Variants in FER1L6 observed in about 807,000 individuals in gnomAD.
FER1L6 encodes fer-1-like protein 6.
In FER1L6, 177 loss-of-function variants were observed where a neutral mutation model predicts 219.2. The observed-to-expected ratio is 0.81, with a 90% confidence interval of 0.71 to 0.91. The LOEUF is 0.91. Ranked by LOEUF, FER1L6 falls within the 40% of genes least tolerant of loss-of-function variation. The pLI, the probability that FER1L6 is intolerant of heterozygous loss-of-function variation, is 0.00. For synonymous variants in FER1L6, 768 were observed against 824.3 expected (o/e 0.93, Z 1.17); for missense variants, 2,153 against 2,259.9 (o/e 0.95, Z 0.96).
At chr8:124,078,147 C>G (rs1381692736) in intron 32 of FER1L6, among the ~76,000 whole-genome samples, 1 of 152,110 alleles carries the variant, frequency 6.6e-6, no homozygotes, top group Non-Finnish European at 1.5e-5. Context: ...GGGCCTGGCA[C>G]AGAGCAGGTG....
chr8:124,064,527 A>G lies in FER1L6; in HGVS notation c.3509A>G (p.Glu1170Gly), dbSNP rs1389609016. ...GACTCATCCCCGATGCTGGAGCCTG[A>G]ACACACACCTGTAGCCCAGGAGCCA... is the stretch of plus-strand genomic sequence containing the variant. ...VPDSSPMLEP[E>G]HTPVAQEPPK... The change falls in exon 26 of 41, where the codon GAA (glutamate) becomes GGA (glycine). Residue 1170 changes from glutamate to glycine, a missense_variant. By Grantham distance (98) the Glu-to-Gly change is moderately conservative (BLOSUM62 -2). Transcript: ENST00000522917. The G allele has an allele frequency of 1.2e-6, 2 of 1,613,188 alleles. No homozygotes were observed. The highest frequency in any genetic ancestry group is 2.7e-5 in the African/African-American group (2 of 74,850).
intron 1 of FER1L6, among the ~76,000 whole-genome samples, chr8:123,946,807 A>T (rs1814512253): frequency 6.6e-6 from 1 of 151,784 alleles, no homozygotes; most frequent in Non-Finnish European, 1.5e-5. Flanking sequence ...AACTTTTCCA[A>T]CTCCTACTTG....
At chr8:124,009,456 G>T (rs1236445358) in intron 13 of FER1L6, among the ~76,000 whole-genome samples, 1 of 152,052 alleles carries the variant, frequency 6.6e-6, no homozygotes, top group East Asian at 1.9e-4. Flanking sequence ...AGCCGGTGCT[G>T]CACTGATGTT....
intron 18 of FER1L6, 96 bp from the exon 19 acceptor site, chr8:124,035,181 C>G (rs1477509812): frequency 2.3e-6 from 3 of 1,304,664 alleles, no homozygotes; most frequent in Non-Finnish European, 3.2e-6. Context: ...GAACATACTT[C>G]CAGGTGTGTC....
intron 1 of FER1L6, among the ~76,000 whole-genome samples, chr8:123,874,910 T>C (rs756301030): frequency 2.0e-5 from 3 of 152,174 alleles, no homozygotes; most frequent in Non-Finnish European, 4.4e-5. Flanking sequence ...TAAAAGCAAA[T>C]CTCAGGCCTA....
intron 1 of FER1L6, among the ~76,000 whole-genome samples, chr8:123,936,734 C>G (rs1814022243): frequency 6.6e-6 from 1 of 151,856 alleles, no homozygotes; most frequent in African/African-American, 2.4e-5. Flanking sequence ...ATCATCTATC[C>G]CAGCTTCAAA....
intron 33 of FER1L6, among the ~76,000 whole-genome samples, chr8:124,090,019 T>C (rs1029167468): frequency 1.3e-5 from 2 of 152,222 alleles, no homozygotes; most frequent in African/African-American, 2.4e-5. Context: ...AATATTCTCA[T>C]ACAAAAGCCA....
rs987362623 is a variant in FER1L6 at position 123,887,371 on chromosome 8, C to T, written c.-8+35186C>T. ...GAACCGATTTGGTTCCCTCCTGGCT[C>T]GGTTGCCATGGGCTGAGTGTCTCAG... On this transcript the variant is annotated intron_variant, in intron 1 of 40. Transcript: ENST00000522917. Among the ~76,000 whole-genome samples the T allele has an allele frequency of 7.2e-5, 11 of 152,268 alleles. 1 individual carries two copies. The highest frequency in any genetic ancestry group is 1.9e-4 in the East Asian group (1 of 5,184).
At chr8:123,912,905 G>A (rs1813081572) in intron 1 of FER1L6, among the ~76,000 whole-genome samples, 1 of 152,182 alleles carries the variant, frequency 6.6e-6, no homozygotes, top group South Asian at 2.1e-4. Flanking sequence ...GTATGGTATT[G>A]GAGGCAGTGT....
chr8:124,103,413 C>A, intron 39 of FER1L6, 104 bp downstream of exon 39: 1 of 1,137,706 alleles, frequency 8.8e-7, no homozygotes, highest in Non-Finnish European at 1.3e-6. Flanking sequence ...CTTGAAATGA[C>A]ATGAACCCTT....
chr8:123,873,304 C>T (rs1816954142), intron 1 of FER1L6, among the ~76,000 whole-genome samples: 1 of 152,168 alleles, frequency 6.6e-6, no homozygotes, highest in Non-Finnish European at 1.5e-5. Context: ...TCACTCCTCC[C>T]CAACTCCTGA....
chr8:123,888,252 G>A (rs185628236), intron 1 of FER1L6, among the ~76,000 whole-genome samples: 2 of 152,092 alleles, frequency 1.3e-5, no homozygotes, highest in Admixed American at 1.3e-4. Context: ...GAGTAGCTGG[G>A]ACTACAGGTG....
intron 33 of FER1L6, among the ~76,000 whole-genome samples, chr8:124,087,151 G>A (rs1821818384): frequency 6.6e-6 from 1 of 151,640 alleles, no homozygotes; most frequent in African/African-American, 2.4e-5. Flanking sequence ...TTATCTCTTT[G>A]AATAAACTTT....
At chr8:123,953,366 T>C (rs1426096655) in intron 1 of FER1L6, among the ~76,000 whole-genome samples, 2 of 152,210 alleles carry the variant, frequency 1.3e-5, no homozygotes, top group African/African-American at 4.8e-5. Context: ...AGACCACTGC[T>C]TCTCAACACT....
In FER1L6 at chr8:124,021,611, A is replaced by G; in HGVS notation, c.2075A>G (p.Asp692Gly). Residue 692 changes from aspartate to glycine, a missense_variant, in exon 17 of 41, where the codon GAT becomes GGT. Asp to Gly is a moderately conservative substitution (Grantham distance 94, BLOSUM62 -1). Transcript: ENST00000522917. ...CAGCAGAAGAAAAAGTTATCTGTTGATGAAATGATTCACGAAGCCCAAAAC... is the reference window on the plus strand; with the variant it reads ...CAGCAGAAGAAAAAGTTATCTGTTGGTGAAATGATTCACGAAGCCCAAAAC... The part of the protein sequence containing the change: ...IQQQKKKLSV[D>G]EMIHEAQNFV... The G allele has an allele frequency of 1.2e-6, 2 of 1,614,192 alleles. No homozygotes were observed. The highest frequency in any genetic ancestry group is 1.7e-6 in the Non-Finnish European group (2 of 1,180,008).
rs77318876 is a variant in FER1L6, at chr8:124,085,740, T to C, written c.4391+3282T>C. Among the ~76,000 whole-genome samples, 803 of 152,338 alleles carry C rather than the reference T, an allele frequency of 5.3e-3. 7 individuals are homozygous for C. Among genetic ancestry groups the C allele is most frequent in the African/African-American group, 0.017 (713 of 41,580 alleles). ...TCTGTAAACATCTATCAGGTCCATTTGGTCTATAGGGTCGATTATGTCCAG... is the reference window on the plus strand; with the variant it reads ...TCTGTAAACATCTATCAGGTCCATTCGGTCTATAGGGTCGATTATGTCCAG... On this transcript the variant is annotated intron_variant, in intron 33 of 40. Transcript: ENST00000522917.
chr8:124,003,686 C>T (rs1349901984), intron 13 of FER1L6, among the ~76,000 whole-genome samples: 1 of 151,900 alleles, frequency 6.6e-6, no homozygotes, highest in Non-Finnish European at 1.5e-5. Flanking sequence ...CCAGGATGGT[C>T]TCAATCTCCT....
chr8:124,105,988 A>G (rs555240555), intron 39 of FER1L6, among the ~76,000 whole-genome samples: 1 of 152,240 alleles, frequency 6.6e-6, no homozygotes, highest in East Asian at 1.9e-4. Context: ...GTTGCCAGGG[A>G]CTGGGGTAGG....
In FER1L6 at chr8:124,035,274, C is replaced by T. The variant is rs760478886; in HGVS notation, c.2287-3C>T. ...GTCAGTCTTTTTTGTAACCTTTCTCCAGCCTCCTGGGAAACGACCGGCTGG... is the reference window on the plus strand; with the variant it reads ...GTCAGTCTTTTTTGTAACCTTTCTCTAGCCTCCTGGGAAACGACCGGCTGG... On this transcript the variant is annotated splice_polypyrimidine_tract_variant and splice_region_variant and intron_variant, in intron 18 of 40. Transcript: ENST00000522917. The T allele has an allele frequency of 1.2e-6, 2 of 1,612,064 alleles. No homozygotes were observed. The highest frequency in any genetic ancestry group is 8.5e-7 in the Non-Finnish European group (1 of 1,179,176).
Sources: gnomAD v4.1 joint callset for allele counts (sites outside exome capture counted in the v4.1 genomes callset) on GRCh38, gnomAD v4.1.1 for gene constraint, MANE v1.5 for transcripts, NCBI Gene and HGNC (gene_info 2026-07-23, HGNC 2026-07-21) for gene names.